Variants in COPG2 observed in about 807,000 individuals in gnomAD.
COPG2 encodes coat protein complex I subunit gamma 2.
Under a neutral mutation model 46.3 loss-of-function variants are expected in COPG2, and 37 were observed. The ratio of observed to expected loss-of-function variants is 0.80; its 90% confidence interval spans 0.61 to 1.05. The LOEUF (loss-of-function observed/expected upper bound fraction) is 1.05, where lower values mean the gene tolerates loss of function less well. Among genes scored for constraint, COPG2 ranks in the 50% least tolerant of loss-of-function variants. The pLI is 0.00. For synonymous variants in COPG2, 159 were observed against 129.7 expected, an observed-to-expected ratio of 1.23 and a Z score of -1.53; for missense variants, 427 against 387.8, an observed-to-expected ratio of 1.10 and a Z score of -0.85.
intron 5 of COPG2, among the ~76,000 whole-genome samples, chr7:130,648,876 G>A (rs1159352156): frequency 6.6e-6 from 1 of 152,172 alleles, no homozygotes; most frequent in Non-Finnish European, 1.5e-5. Flanking sequence ...TTGGGGCTCT[G>A]ATAGCCTTCT....
rs886910988 is a variant in COPG2, at chr7:130,592,823, T to C, written c.737+18130A>G. Among the ~76,000 whole-genome samples, 8 of 152,350 alleles carry C rather than the reference T, an allele frequency of 5.3e-5. No homozygotes were observed. The East Asian group carries it at 7.7e-4, about 15-fold the overall frequency. On this transcript the variant is annotated intron_variant, in intron 9 of 23. Coordinates refer to ENST00000425248, the MANE Select transcript of COPG2 (RefSeq NM_012133.6). ...CAAAATTTATGCTAGGTTGTCAAAA[T>C]TGGGCTTACACCAAAACTATGCCAC...
rs1429485833 is a variant in COPG2 at position 130,584,209 on chromosome 7, T to C, written c.738-19816A>G. On this transcript the variant is annotated intron_variant, in intron 9 of 23. Coordinates refer to ENST00000425248, the MANE Select transcript of COPG2 (RefSeq NM_012133.6). Reference sequence around the variant, plus strand: ...ACATAAACAAAATTAAAAACAAAAATCACATGATCATCGCAATAGATGCAG... The same window carrying C: ...ACATAAACAAAATTAAAAACAAAAACCACATGATCATCGCAATAGATGCAG... Among the ~76,000 whole-genome samples the C allele has an allele frequency of 3.3e-5, 5 of 151,776 alleles. 1 individual carries two copies. The East Asian group carries it at 9.7e-4, about 29-fold the overall frequency.
chr7:130,638,752 G>A (rs1217794413), intron 5 of COPG2, among the ~76,000 whole-genome samples: 1 of 151,890 alleles, frequency 6.6e-6, no homozygotes, highest in African/African-American at 2.4e-5. Context: ...TGTCTCGCTG[G>A]CATTCCAGGC....
intron 6 of COPG2, 122 bp from the exon 7 acceptor site, chr7:130,613,758 T>C: frequency 1.5e-6 from 1 of 681,908 alleles, no homozygotes; most frequent in Non-Finnish European, 2.6e-6. Flanking sequence ...ATATTCAGAA[T>C]GCACTAAAAG....
At chr7:130,648,155 G>C (rs1307220413) in intron 5 of COPG2, among the ~76,000 whole-genome samples, 1 of 151,844 alleles carries the variant, frequency 6.6e-6, no homozygotes, top group Non-Finnish European at 1.5e-5. Flanking sequence ...AATCTCCATG[G>C]TTTCTTGCCA....
intron 5 of COPG2, among the ~76,000 whole-genome samples, chr7:130,628,555 A>G (rs1265763312): frequency 2.6e-5 from 4 of 152,160 alleles, no homozygotes; most frequent in Non-Finnish European, 5.9e-5. Context: ...TTTGTTTTAG[A>G]CATACAGCTA....
At chr7:130,614,285 C>T (rs1264329071) in intron 6 of COPG2, among the ~76,000 whole-genome samples, 4 of 152,146 alleles carry the variant, frequency 2.6e-5, no homozygotes, top group African/African-American at 4.8e-5. Flanking sequence ...TCAAGTCTCA[C>T]GCTGCTACCA....
chr7:130,536,630 T>C (rs976211876), intron 20 of COPG2, among the ~76,000 whole-genome samples: 1 of 151,778 alleles, frequency 6.6e-6, no homozygotes, highest in Admixed American at 6.6e-5. Flanking sequence ...ATGTACAATG[T>C]GAGGGGAAGA....
At chr7:130,618,683 CAT>C (rs1554453231) in intron 5 of COPG2, among the ~76,000 whole-genome samples, 1 of 152,026 alleles carries the variant, frequency 6.6e-6, no homozygotes, top group Admixed American at 6.5e-5. Flanking sequence ...GTATATTATT[CAT>C]ATCTTTTTTA....
intron 4 of COPG2, among the ~76,000 whole-genome samples, chr7:130,659,718 C>G (rs1385754083): frequency 2.0e-5 from 3 of 152,074 alleles, no homozygotes; most frequent in Non-Finnish European, 4.4e-5. Context: ...TTGAGACCAT[C>G]CTGGCCAACA....
At chr7:130,603,271 ATG>A (rs1794671632) in intron 9 of COPG2, among the ~76,000 whole-genome samples, 1 of 152,180 alleles carries the variant, frequency 6.6e-6, no homozygotes, top group Non-Finnish European at 1.5e-5. Context: ...ACTATATAAA[ATG>A]TATTCATTTG....
At chr7:130,551,657 T>G (rs1793535860) in intron 15 of COPG2, among the ~76,000 whole-genome samples, 1 of 152,220 alleles carries the variant, frequency 6.6e-6, no homozygotes, top group Admixed American at 6.5e-5. Flanking sequence ...GTTGAAGACT[T>G]AGACTTCTCT....
rs1483616113 is a variant in COPG2, at chr7:130,668,646, T to G, written c.23A>C (p.Lys8Thr). MIKKFDK[K>T]DEESGSGSNP... ...CCCGCGCGTACCAGACTCCTCGTCC[T>G]TCTTGTCGAATTTTTTAATCATCTT... Residue 8 changes from lysine to threonine, a missense_variant, in exon 1 of 24, where the codon AAG becomes ACG. Transcript: ENST00000425248. The G allele has an allele frequency of 6.5e-7, 1 of 1,542,626 alleles. No homozygotes were observed. Among genetic ancestry groups the G allele is most frequent in the South Asian group, 1.2e-5 (1 of 82,366 alleles).
Position 130,590,825 on chromosome 7 carries a change from G to GC in COPG2, c.737+20127dup, listed in dbSNP as rs1165725241. ...GAGATGTGGGGAGCACCTCTGCCCT[G>GC]CCCCCCCGTCTGGGATGTGAGGAGC... On this transcript the variant is annotated intron_variant, in intron 9 of 23. Transcript: ENST00000425248. Among the ~76,000 whole-genome samples, 11 of 150,528 alleles carry GC rather than the reference G, an allele frequency of 7.3e-5. No homozygotes were observed. The East Asian group carries it at 1.2e-3, about 16-fold the overall frequency.
intron 14 of COPG2, among the ~76,000 whole-genome samples, chr7:130,552,984 C>A (rs1793556784): frequency 6.6e-6 from 1 of 152,116 alleles, no homozygotes; most frequent in Non-Finnish European, 1.5e-5. Context: ...TATGTGAATA[C>A]ACAGAAAGGA....
At chr7:130,638,122 A>T (rs1312244833) in intron 5 of COPG2, among the ~76,000 whole-genome samples, 2 of 152,190 alleles carry the variant, frequency 1.3e-5, no homozygotes, top group African/African-American at 4.8e-5. Context: ...GGCTCCTGCC[A>T]GATGCCAGCT....
At chr7:130,525,974 A>AGTGACCTGGACAGCCTGT (rs1799770715) in intron 20 of COPG2, among the ~76,000 whole-genome samples, 1 of 152,162 alleles carries the variant, frequency 6.6e-6, no homozygotes, top group African/African-American at 2.4e-5. Flanking sequence ...GGACAGCCTG[A>AGTGACCTGGACAGCCTGT]ATGGGTAACG....
At chr7:130,510,808 C>G (rs1340194594) in intron 20 of COPG2, 7 of 444,158 alleles carry the variant, frequency 1.6e-5, no homozygotes, top group African/African-American at 1.4e-4. Flanking sequence ...TCTGTCGAAG[C>G]TGCTGGAGAG....
At chr7:130,625,491 C>T (rs1264804324) in intron 5 of COPG2, among the ~76,000 whole-genome samples, 1 of 151,728 alleles carries the variant, frequency 6.6e-6, no homozygotes. Flanking sequence ...AGTGGAAATG[C>T]CTCTAGTGTT....
Sources: gnomAD v4.1 joint callset for allele counts (sites outside exome capture counted in the v4.1 genomes callset) on GRCh38, gnomAD v4.1.1 for gene constraint, MANE v1.5 for transcripts, NCBI Gene and HGNC (gene_info 2026-07-23, HGNC 2026-07-21) for gene names.